Variants in TEC observed in about 807,000 individuals in gnomAD.
TEC encodes tec protein tyrosine kinase.
In TEC, 72 loss-of-function variants were observed where a neutral mutation model predicts 93.0. That is an observed-to-expected ratio of 0.77 (90% CI 0.64 to 0.94). The LOEUF (loss-of-function observed/expected upper bound fraction) is 0.94. Among genes scored for constraint, TEC ranks in the 40% least tolerant of loss-of-function variants. The pLI, the probability that TEC is intolerant of heterozygous loss-of-function variation, is 0.00. For synonymous variants in TEC, 249 were observed against 247.7 expected, an observed-to-expected ratio of 1.01 and a Z score of -0.05; for missense variants, 630 against 757.9, an observed-to-expected ratio of 0.83 and a Z score of 1.98.
intron 8 of TEC, among the ~76,000 whole-genome samples, chr4:48,158,985 CAAAT>C (rs1720514184): frequency 6.6e-6 from 1 of 150,692 alleles, no homozygotes. Flanking sequence ...GAGTCATACA[CAAAT>C]AAATAAATGA....
At chr4:48,164,915 A>G (rs530317290) in intron 7 of TEC, among the ~76,000 whole-genome samples, 2 of 152,270 alleles carry the variant, frequency 1.3e-5, no homozygotes, top group South Asian at 4.1e-4. Flanking sequence ...AGGCACAAGA[A>G]TCACTTGAAC....
intron 1 of TEC, among the ~76,000 whole-genome samples, chr4:48,267,169 G>T (rs1724661390): frequency 6.6e-6 from 1 of 152,220 alleles, no homozygotes; most frequent in Admixed American, 6.5e-5. Context: ...TGGCTTCTGT[G>T]CCCACACATT....
rs71189199 is a variant in TEC at position 48,265,515 on chromosome 4, ATTTTT to A, written c.-46+4232_-46+4236del. 3.7e-3 allele frequency among the ~76,000 whole-genome samples: 480 copies of A among 129,146 alleles called. 3 individuals carry two copies. Among genetic ancestry groups the A allele is most frequent in the Middle Eastern group, 8.3e-3 (2 of 240 alleles). The allele number at this position is 129,146 out of a possible 152,430, so 84.7% of individuals were successfully genotyped here. A position where few individuals can be genotyped will look rare whatever the true frequency, so the allele number is the denominator to read the frequency against. ...TATGTGTGTATATATATATATATAT[ATTTTT>A]TTTTTTTTTTGAGACAAAGTCTCAA... On this transcript the variant is annotated intron_variant, in intron 1 of 17. Coordinates refer to ENST00000381501, the MANE Select transcript of TEC (RefSeq NM_003215.3).
At chr4:48,268,263 G>C (rs1321552427) in intron 1 of TEC, among the ~76,000 whole-genome samples, 3 of 152,232 alleles carry the variant, frequency 2.0e-5, no homozygotes, top group Non-Finnish European at 4.4e-5. Flanking sequence ...TTGGACCTAT[G>C]TGGGGCAAAG....
chr4:48,254,425 G>A (rs756331200), intron 1 of TEC, among the ~76,000 whole-genome samples: 2 of 152,232 alleles, frequency 1.3e-5, no homozygotes, highest in Non-Finnish European at 2.9e-5. Flanking sequence ...ACTCTGTGAG[G>A]AGGCTCTGGT....
At chr4:48,212,315 A>G (rs932805984) in intron 2 of TEC, among the ~76,000 whole-genome samples, 3 of 152,056 alleles carry the variant, frequency 2.0e-5, no homozygotes, top group Non-Finnish European at 2.9e-5. Context: ...TATACAGCCA[A>G]AGAAGGGAAG....
intron 2 of TEC, among the ~76,000 whole-genome samples, chr4:48,214,546 A>G (rs984702712): frequency 1.3e-5 from 2 of 152,202 alleles, no homozygotes; most frequent in African/African-American, 4.8e-5. Context: ...CACTTTTAGT[A>G]CAGTATTTAA....
intron 8 of TEC, among the ~76,000 whole-genome samples, chr4:48,159,140 T>C (rs999018785): frequency 4.0e-5 from 6 of 151,172 alleles, no homozygotes; most frequent in Non-Finnish European, 8.8e-5. Flanking sequence ...GGAATAACTA[T>C]ACACACAGGT....
intron 1 of TEC, among the ~76,000 whole-genome samples, chr4:48,262,653 G>A (rs1390291153): frequency 6.6e-6 from 1 of 152,184 alleles, no homozygotes; most frequent in African/African-American, 2.4e-5. Flanking sequence ...GAAAAGGGAG[G>A]TTCCAATGAC....
intron 4 of TEC, among the ~76,000 whole-genome samples, chr4:48,170,965 C>T (rs771108711): frequency 6.6e-6 from 1 of 151,938 alleles, no homozygotes; most frequent in African/African-American, 2.4e-5. Context: ...GCAGGAGAAT[C>T]GCTTGAACCC....
intron 1 of TEC, among the ~76,000 whole-genome samples, chr4:48,262,551 T>C (rs1724525442): frequency 6.6e-6 from 1 of 152,138 alleles, no homozygotes; most frequent in Admixed American, 6.5e-5. Context: ...GAAAATTCAT[T>C]CAGTATATTA....
intron 2 of TEC, among the ~76,000 whole-genome samples, chr4:48,196,582 C>T (rs1180251755): frequency 3.3e-5 from 5 of 152,124 alleles, no homozygotes; most frequent in East Asian, 1.9e-4. Context: ...AACCTAAAAG[C>T]GAGAGCCACT....
At position 48,171,458 on chromosome 4, in the gene TEC, A is replaced by C; in HGVS notation, c.244-9T>G. ...TTAGCATCATGAACAACCTAAAATAAAACAAAAGATGGAATTGGTGAAGAG... is the reference window on the plus strand; with the variant it reads ...TTAGCATCATGAACAACCTAAAATACAACAAAAGATGGAATTGGTGAAGAG... On this transcript the variant is annotated splice_polypyrimidine_tract_variant and intron_variant, in intron 3 of 17. Transcript: ENST00000381501. 2 of 1,612,060 alleles carry C rather than the reference A, an allele frequency of 1.2e-6. No individual in the cohort carries two copies. Among genetic ancestry groups the C allele is most frequent in the Non-Finnish European group, 1.7e-6 (2 of 1,179,064 alleles).
intron 10 of TEC, 104 bp downstream of exon 10, chr4:48,150,759 G>A: frequency 1.3e-6 from 1 of 765,252 alleles, no homozygotes; most frequent in Admixed American, 2.9e-5. Flanking sequence ...CTTTTTAATG[G>A]TGAAATGCTG....
intron 1 of TEC, among the ~76,000 whole-genome samples, 198 bp downstream of exon 1, chr4:48,269,554 C>T (rs1306335451): frequency 1.3e-5 from 2 of 152,268 alleles, no homozygotes; most frequent in East Asian, 1.9e-4. Flanking sequence ...GCGCACCTGT[C>T]CCTCCTTCCC....
At chr4:48,153,873 C>G (rs1207461407) in intron 9 of TEC, among the ~76,000 whole-genome samples, 1 of 152,214 alleles carries the variant, frequency 6.6e-6, no homozygotes, top group East Asian at 1.9e-4. Context: ...CTGGATCATT[C>G]TGGCTGTGAC....
At chr4:48,231,504 C>T (rs1723641977) in intron 1 of TEC, among the ~76,000 whole-genome samples, 1 of 152,216 alleles carries the variant, frequency 6.6e-6, no homozygotes. Flanking sequence ...CGCCTGTAAT[C>T]CCAGCACTTT....
chr4:48,194,654 A>G (rs1156317561), intron 2 of TEC, among the ~76,000 whole-genome samples: 1 of 151,870 alleles, frequency 6.6e-6, no homozygotes, highest in Non-Finnish European at 1.5e-5. Flanking sequence ...AGTTGGGGGG[A>G]GTGAGGAAGT....
chr4:48,214,578 G>A lies in TEC; in HGVS notation c.138+13899C>T, dbSNP rs114956643. ...TTAATAAATTACATGAGGACTGGGT[G>A]TGGTGGCTGACACCTGTAATCCCAG... On this transcript the variant is annotated intron_variant, in intron 2 of 17. Transcript: ENST00000381501. Among the ~76,000 whole-genome samples the A allele has an allele frequency of 7.0e-3, 1,060 of 152,306 alleles. 11 individuals are homozygous for A. Among genetic ancestry groups the A allele is most frequent in the African/African-American group, 0.024 (999 of 41,554 alleles).
Sources: gnomAD v4.1 joint callset for allele counts (sites outside exome capture counted in the v4.1 genomes callset) on GRCh38, gnomAD v4.1.1 for gene constraint, MANE v1.5 for transcripts, NCBI Gene and HGNC (gene_info 2026-07-23, HGNC 2026-07-21) for gene names.